Variants in AFG1L observed in about 807,000 individuals in gnomAD.
AFG1L encodes the protein AFG1-like ATPase.
AFG1L carries 53 observed loss-of-function variants against 62.2 expected under a neutral mutation model. The ratio of observed to expected loss-of-function variants is 0.85; its 90% CI spans 0.68 to 1.07. The LOEUF (loss-of-function observed/expected upper bound fraction) is 1.07, where lower values mean the gene tolerates loss of function less well. AFG1L is among the 50% of genes least tolerant of loss of function. The pLI, the probability that AFG1L is intolerant of heterozygous loss-of-function variation, is 0.00. For synonymous variants in AFG1L, 228 were observed against 210.3 expected, an observed-to-expected ratio of 1.08 and a Z score of -0.73; for missense variants, 555 against 590.5, an observed-to-expected ratio of 0.94 and a Z score of 0.62.
chr6:108,521,434 GGTTGCA>G (rs1230853953), intron 12 of AFG1L: 1 of 152,290 alleles, frequency 6.6e-6, no homozygotes, highest in African/African-American at 2.4e-5. Flanking sequence ...AAAAGGCAGA[GGTTGCA>G]GTGAGGCAAG....
At chr6:108,371,088 C>T (rs1486594144) in intron 6 of AFG1L, among the ~76,000 whole-genome samples, 1 of 152,172 alleles carries the variant, frequency 6.6e-6, no homozygotes, top group Non-Finnish European at 1.5e-5. Context: ...CAGTTCATGC[C>T]TTGTTTGGGT....
intron 8 of AFG1L, among the ~76,000 whole-genome samples, chr6:108,470,799 G>A (rs1330648479): frequency 1.3e-5 from 2 of 152,120 alleles, no homozygotes; most frequent in African/African-American, 4.8e-5. Flanking sequence ...CTGTTTGCCT[G>A]AAATCTGGTA....
chr6:108,436,236 C>T (rs1771301763), intron 7 of AFG1L, among the ~76,000 whole-genome samples: 1 of 151,976 alleles, frequency 6.6e-6, no homozygotes, highest in African/African-American at 2.4e-5. Flanking sequence ...CATCTACCTC[C>T]CGGGTTCAAG....
intron 10 of AFG1L, among the ~76,000 whole-genome samples, chr6:108,482,331 A>C (rs1182031326): frequency 6.6e-6 from 1 of 152,192 alleles, no homozygotes; most frequent in African/African-American, 2.4e-5. Context: ...TAACAGTTTA[A>C]AAATGACCTC....
At chr6:108,354,831 G>T (rs1779205159) in intron 3 of AFG1L, among the ~76,000 whole-genome samples, 1 of 152,088 alleles carries the variant, frequency 6.6e-6, no homozygotes, top group Non-Finnish European at 1.5e-5. Context: ...TTGATTGTGG[G>T]CCTTGAGTAA....
chr6:108,449,601 CTTTT>C (rs902988395), intron 8 of AFG1L, among the ~76,000 whole-genome samples: 1 of 151,326 alleles, frequency 6.6e-6, no homozygotes, highest in Non-Finnish European at 1.5e-5. Flanking sequence ...TGTAGAAAAA[CTTTT>C]TTTTTATTAT....
At chr6:108,481,205 G>T (rs2114825608) in intron 10 of AFG1L, among the ~76,000 whole-genome samples, 1 of 152,340 alleles carries the variant, frequency 6.6e-6, no homozygotes, top group South Asian at 2.1e-4. Flanking sequence ...GGTGGTCTTT[G>T]TTCCCTGCCG....
chr6:108,464,265 T>G (rs1189903369), intron 8 of AFG1L, among the ~76,000 whole-genome samples: 3 of 152,178 alleles, frequency 2.0e-5, no homozygotes, highest in Non-Finnish European at 4.4e-5. Flanking sequence ...AACCCCCAAG[T>G]GTTTTGGAAT....
intron 10 of AFG1L, among the ~76,000 whole-genome samples, chr6:108,493,836 T>C (rs531736743): frequency 1.2e-4 from 19 of 152,240 alleles, no homozygotes; most frequent in Admixed American, 1.0e-3. Flanking sequence ...TACTTCTTCA[T>C]CTTCTTTTTC....
At chr6:108,508,813 A>G (rs570591173) in intron 10 of AFG1L, among the ~76,000 whole-genome samples, 2 of 152,324 alleles carry the variant, frequency 1.3e-5, no homozygotes, top group African/African-American at 4.8e-5. Flanking sequence ...TCTCCCAGGA[A>G]TATCGCCATA....
intron 5 of AFG1L, among the ~76,000 whole-genome samples, chr6:108,358,388 A>G (rs979524681): frequency 1.3e-5 from 2 of 152,230 alleles, no homozygotes; most frequent in Non-Finnish European, 2.9e-5. Flanking sequence ...ATCTCATTTA[A>G]TTCTGCAAAA....
intron 8 of AFG1L, among the ~76,000 whole-genome samples, chr6:108,453,333 CAA>C: frequency 6.6e-6 from 1 of 151,202 alleles, no homozygotes; most frequent in African/African-American, 2.4e-5. Flanking sequence ...GAACAGATTT[CAA>C]AAAAAAAGTT....
At chr6:108,505,916 T>G (rs1353597026) in intron 10 of AFG1L, among the ~76,000 whole-genome samples, 1 of 152,208 alleles carries the variant, frequency 6.6e-6, no homozygotes, top group East Asian at 1.9e-4. Flanking sequence ...AATATACATA[T>G]GTAGATGTAC....
At chr6:108,344,087 C>A (rs1778778428) in intron 2 of AFG1L, among the ~76,000 whole-genome samples, 1 of 152,078 alleles carries the variant, frequency 6.6e-6, no homozygotes, top group African/African-American at 2.4e-5. Flanking sequence ...CATAGTGAGA[C>A]CCCATCTCTA....
chr6:108,335,206 A>G (rs1210454943), intron 2 of AFG1L, among the ~76,000 whole-genome samples: 1 of 151,968 alleles, frequency 6.6e-6, no homozygotes, highest in Non-Finnish European at 1.5e-5. Flanking sequence ...CCTGACCTGA[A>G]GTGATCTTCC....
chr6:108,385,884 G>A (rs1218462794), intron 6 of AFG1L, among the ~76,000 whole-genome samples: 2 of 152,164 alleles, frequency 1.3e-5, no homozygotes, highest in African/African-American at 2.4e-5. Context: ...GCTGAGGCAG[G>A]AGGATTGCTT....
chr6:108,349,778 A>G (rs895349698), intron 3 of AFG1L, among the ~76,000 whole-genome samples: 2 of 151,360 alleles, frequency 1.3e-5, no homozygotes, highest in African/African-American at 4.9e-5. Flanking sequence ...TTAGCTGAGC[A>G]TGGTGGTGTG....
At chr6:108,326,078 AT>A (rs919150521) in intron 2 of AFG1L, among the ~76,000 whole-genome samples, 7 of 150,522 alleles carry the variant, frequency 4.7e-5, no homozygotes, top group Admixed American at 1.3e-4. Context: ...TGCCTGGCCT[AT>A]TTTTTTTTGG....
chr6:108,320,476 G>C (rs1195103263), intron 1 of AFG1L, among the ~76,000 whole-genome samples: 1 of 152,156 alleles, frequency 6.6e-6, no homozygotes, highest in Non-Finnish European at 1.5e-5. Context: ...TCAGTCCTCT[G>C]TTCCCCCTTA....
Sources: allele counts gnomAD v4.1 joint callset (sites outside exome capture counted in the v4.1 genomes callset), GRCh38; gene constraint gnomAD v4.1.1; transcripts MANE v1.5; gene names NCBI Gene and HGNC (gene_info 2026-07-23, HGNC 2026-07-21).